Variants in RBFOX1 observed in about 807,000 individuals in gnomAD.
RBFOX1 encodes the protein RNA binding protein fox-1 homolog 1.
A neutral mutation model predicts 57.7 loss-of-function variants in RBFOX1; 8 were observed. That is an observed-to-expected ratio of 0.14 (90% confidence interval 0.08 to 0.25). The LOEUF is 0.25. Ranked by LOEUF, RBFOX1 falls within the 10% of genes least tolerant of loss-of-function variation. RBFOX1 has a pLI of 1.00. For synonymous variants in RBFOX1, 326 were observed against 222.4 expected (o/e 1.47, Z -4.15); for missense variants, 611 against 548.5 (o/e 1.11, Z -1.14).
chr16:5,726,082 TA>T (rs145519374), intron 3 of RBFOX1, among the ~76,000 whole-genome samples: 3,013 of 152,150 alleles, frequency 0.02, 98 homozygotes, highest in African/African-American at 0.066. Flanking sequence ...CTTTTATTAT[TA>T]TTTTTTTTAA....
At chr16:5,778,573 C>T (rs1463194522) in intron 3 of RBFOX1, among the ~76,000 whole-genome samples, 1 of 152,212 alleles carries the variant, frequency 6.6e-6, no homozygotes, top group Non-Finnish European at 1.5e-5. Flanking sequence ...AGCAACCCCG[C>T]GTGGCCTTGC....
intron 12 of RBFOX1, among the ~76,000 whole-genome samples, chr16:7,658,570 T>C (rs1307667470): frequency 6.6e-6 from 1 of 152,122 alleles, no homozygotes; most frequent in African/African-American, 2.4e-5. Flanking sequence ...AGACAGCAAG[T>C]GGAGGCTTTG....
At chr16:6,130,224 T>G (rs1297564529) in intron 1 of RBFOX1, among the ~76,000 whole-genome samples, 1 of 152,124 alleles carries the variant, frequency 6.6e-6, no homozygotes, top group East Asian at 1.9e-4. Flanking sequence ...TTGTTAAGTA[T>G]ACACATGTAA....
rs12051147 is a variant in RBFOX1 at position 6,626,137 on chromosome 16, A to G, written c.-63-28466A>G. Among the ~76,000 whole-genome samples, 19 of 147,568 alleles carry G rather than the reference A, an allele frequency of 1.3e-4. 1 individual carries two copies. In the East Asian group the frequency reaches 3.0e-3, roughly 23 times the overall value. ...ATTGCATCAAGGCCTAAAATTCTGC[A>G]GGTTTTTTTTTTTTTTTTTCCCAAA... On this transcript the variant is annotated intron_variant, in intron 2 of 15. Transcript: ENST00000550418.
At chr16:5,464,138 C>G (rs2068881795) in intron 1 of RBFOX1, among the ~76,000 whole-genome samples, 1 of 152,100 alleles carries the variant, frequency 6.6e-6, no homozygotes, top group Non-Finnish European at 1.5e-5. Context: ...GGAGGCACAG[C>G]TGGGGAGAGA....
intron 14 of RBFOX1, among the ~76,000 whole-genome samples, chr16:7,700,498 C>G (rs1016254857): frequency 6.6e-6 from 1 of 152,180 alleles, no homozygotes; most frequent in African/African-American, 2.4e-5. Context: ...TTGAAAATCT[C>G]ATAAGGGATA....
chr16:7,091,355 C>G (rs1271850489), intron 4 of RBFOX1, among the ~76,000 whole-genome samples: 2 of 151,628 alleles, frequency 1.3e-5, no homozygotes, highest in South Asian at 2.1e-4. Context: ...TCATCCTCAC[C>G]TTTTAAAAAC....
At chr16:6,081,971 A>C (rs2096008140) in intron 1 of RBFOX1, among the ~76,000 whole-genome samples, 1 of 152,134 alleles carries the variant, frequency 6.6e-6, no homozygotes, top group South Asian at 2.1e-4. Flanking sequence ...TTATAGTCAC[A>C]TGGTGTGTGG....
intron 10 of RBFOX1, among the ~76,000 whole-genome samples, chr16:7,625,275 C>A (rs2059913722): frequency 6.6e-6 from 1 of 152,134 alleles, no homozygotes. Context: ...ATTGAGTGAA[C>A]CCTGTTCCTA....
chr16:7,363,298 C>T (rs1427536433), intron 4 of RBFOX1, among the ~76,000 whole-genome samples: 2 of 152,148 alleles, frequency 1.3e-5, no homozygotes, highest in South Asian at 2.1e-4. Context: ...TTGAGAAATC[C>T]TGTCTCCCAT....
intron 3 of RBFOX1, among the ~76,000 whole-genome samples, chr16:7,021,413 GTTTT>G (rs951874303): frequency 1.7e-4 from 24 of 142,512 alleles, no homozygotes; most frequent in African/African-American, 6.1e-4. Context: ...TTTTATGTAT[GTTTT>G]TTATATATTT....
chr16:6,060,668 C>T (rs78374813), intron 1 of RBFOX1, among the ~76,000 whole-genome samples: 1 of 152,158 alleles, frequency 6.6e-6, no homozygotes, highest in African/African-American at 2.4e-5. Flanking sequence ...AACTTCAAAC[C>T]ACTCGTACTA....
chr16:5,316,952 T>C (rs2064256658), intron 1 of RBFOX1, among the ~76,000 whole-genome samples: 1 of 152,152 alleles, frequency 6.6e-6, no homozygotes, highest in South Asian at 2.1e-4. Flanking sequence ...GGGTGAACTC[T>C]TACTATGTCT....
chr16:6,780,063 TTATATATATTTACATA>T (rs1567212290), intron 3 of RBFOX1, among the ~76,000 whole-genome samples: 5 of 26,134 alleles, frequency 1.9e-4, no homozygotes, highest in African/African-American at 1.1e-3. Flanking sequence ...TTATATATAT[TTATATATATTTACATA>T]TTTATATATA....
intron 2 of RBFOX1, among the ~76,000 whole-genome samples, chr16:5,572,772 T>C (rs2046325016): frequency 6.6e-6 from 1 of 152,048 alleles, no homozygotes; most frequent in African/African-American, 2.4e-5. Context: ...GGTGAGGGAA[T>C]GTACTCTGTG....
chr16:5,454,744 T>TTTTTCTTTTCTTTCC (rs145711376), intron 1 of RBFOX1, among the ~76,000 whole-genome samples: 1 of 118,654 alleles, frequency 8.4e-6, no homozygotes, highest in Non-Finnish European at 1.8e-5. Flanking sequence ...TCTTTCTTTC[T>TTTTTCTTTTCTTTCC]TTTTCTTTTC....
At chr16:6,244,453 A>C (rs917918538) in intron 1 of RBFOX1, among the ~76,000 whole-genome samples, 1 of 152,120 alleles carries the variant, frequency 6.6e-6, no homozygotes, top group African/African-American at 2.4e-5. Context: ...TGCAACATCT[A>C]GCAGGTTTTA....
chr16:6,565,904 A>G (rs1206841087), intron 2 of RBFOX1, among the ~76,000 whole-genome samples: 2 of 152,222 alleles, frequency 1.3e-5, no homozygotes, highest in African/African-American at 4.8e-5. Flanking sequence ...TCCATGGCTT[A>G]AAAGAACCAA....
At chr16:5,879,838 C>T (rs1301798425) in intron 4 of RBFOX1, among the ~76,000 whole-genome samples, 1 of 152,160 alleles carries the variant, frequency 6.6e-6, no homozygotes, top group Non-Finnish European at 1.5e-5. Flanking sequence ...TGCATACCTC[C>T]ACTATCACTC....
Sources: allele counts gnomAD v4.1 joint callset (sites outside exome capture counted in the v4.1 genomes callset), GRCh38; gene constraint gnomAD v4.1.1; transcripts MANE v1.5; gene names NCBI Gene and HGNC (gene_info 2026-07-23, HGNC 2026-07-21).